BNC2: variants seen among roughly 807,000 people sequenced by gnomAD.
BNC2 encodes zinc finger protein basonuclin-2.
A neutral mutation model predicts 76.3 loss-of-function variants in BNC2; 20 were observed. The ratio of observed to expected loss-of-function variants is 0.26; its 90% CI spans 0.18 to 0.38. The LOEUF (loss-of-function observed/expected upper bound fraction) is 0.38. Among genes scored for constraint, BNC2 ranks in the 10% least tolerant of loss-of-function variants. The pLI is 1.00. For missense variants in BNC2, 1,382 were observed against 1,399.8 expected, an observed-to-expected ratio of 0.99 and a Z score of 0.20; for synonymous variants, 582 against 514.8, an observed-to-expected ratio of 1.13 and a Z score of -1.77.
intron 3 of BNC2, among the ~76,000 whole-genome samples, chr9:16,597,333 CACAA>C (rs1302756881): frequency 6.6e-6 from 1 of 152,124 alleles, no homozygotes; most frequent in Non-Finnish European, 1.5e-5. Context: ...TAAATTTAAA[CACAA>C]ACAGTCAAGC....
chr9:16,636,751 C>T (rs184043455), intron 3 of BNC2, among the ~76,000 whole-genome samples: 3 of 152,076 alleles, frequency 2.0e-5, no homozygotes, highest in Middle Eastern at 3.2e-3. Flanking sequence ...TCTTTTATTT[C>T]TTCCTTTTTT....
intron 1 of BNC2, among the ~76,000 whole-genome samples, chr9:16,861,300 G>C (rs973047645): frequency 2.6e-5 from 4 of 151,494 alleles, no homozygotes; most frequent in African/African-American, 4.9e-5. Context: ...GCTGCAGTGA[G>C]CCATAATCAT....
At position 16,413,918 on chromosome 9, in the gene BNC2, G is replaced by C. The variant is rs1820527915; in HGVS notation, c.*5071C>G. 6.6e-6 allele frequency: 1 copy of C among 152,158 alleles called. No individual in the cohort carries two copies. Among genetic ancestry groups the C allele is most frequent in the Non-Finnish European group, 1.5e-5 (1 of 68,034 alleles). 9.4% of individuals were successfully genotyped at this position (152,158 alleles called of 1,614,324 possible). ...GCAAGCATGAGTAATGATCAAGAAA[G>C]GAACGATCCATGCTGGTGCCATTCG... On this transcript the variant is annotated 3_prime_UTR_variant, in exon 7 of 7. Coordinates refer to ENST00000380672, the MANE Select transcript of BNC2 (RefSeq NM_017637.6).
At chr9:16,808,645 CA>C (rs933362557) in intron 1 of BNC2, among the ~76,000 whole-genome samples, 1 of 151,632 alleles carries the variant, frequency 6.6e-6, no homozygotes, top group Admixed American at 6.6e-5. Context: ...TATGTGACCA[CA>C]ACTGACCAAT....
intron 1 of BNC2, among the ~76,000 whole-genome samples, chr9:16,810,135 T>C (rs1302338776): frequency 1.3e-5 from 2 of 152,240 alleles, no homozygotes; most frequent in African/African-American, 2.4e-5. Flanking sequence ...AGGTAACTTA[T>C]GGTTAAAAAC....
chr9:16,480,851 C>T (rs1332825607), intron 5 of BNC2, among the ~76,000 whole-genome samples: 10 of 152,194 alleles, frequency 6.6e-5, no homozygotes, highest in East Asian at 3.9e-4. Context: ...CCCTGCTCCA[C>T]GGCGCCCAGT....
chr9:16,516,543 A>AG (rs2132009226), intron 5 of BNC2, among the ~76,000 whole-genome samples: 1 of 152,294 alleles, frequency 6.6e-6, no homozygotes, highest in African/African-American at 2.4e-5. Context: ...CCCCCAATAC[A>AG]GGGTGAGAAC....
chr9:16,590,546 G>A (rs1329695628), intron 3 of BNC2, among the ~76,000 whole-genome samples: 1 of 151,700 alleles, frequency 6.6e-6, no homozygotes, highest in East Asian at 2.0e-4. Context: ...AGGGAATAGT[G>A]GCTCATGCCT....
chr9:16,751,652 A>ATATATG (rs1825206536), intron 1 of BNC2, among the ~76,000 whole-genome samples: 2 of 86,958 alleles, frequency 2.3e-5, no homozygotes, highest in East Asian at 7.6e-3. Context: ...GTATGTGTGT[A>ATATATG]TATATATATG....
intron 1 of BNC2, among the ~76,000 whole-genome samples, chr9:16,856,266 C>T (rs1293332427): frequency 2.1e-5 from 2 of 96,104 alleles, no homozygotes; most frequent in Non-Finnish European, 4.7e-5. Flanking sequence ...CACACACACT[C>T]TCTCTCTCTC....
chr9:16,670,342 G>A (rs1474450678), intron 3 of BNC2, among the ~76,000 whole-genome samples: 5 of 151,996 alleles, frequency 3.3e-5, no homozygotes, highest in Non-Finnish European at 5.9e-5. Context: ...TAGAGACAAG[G>A]TCTCACTCTG....
At chr9:16,831,920 A>G (rs182899266) in intron 1 of BNC2, among the ~76,000 whole-genome samples, 43 of 152,302 alleles carry the variant, frequency 2.8e-4, no homozygotes, top group Admixed American at 5.9e-4. Context: ...TTGCACTCCT[A>G]TCAACCAAGA....
At chr9:16,539,656 AAGGGAGGG>A (rs1279441546) in intron 5 of BNC2, among the ~76,000 whole-genome samples, 1 of 35,904 alleles carries the variant, frequency 2.8e-5, no homozygotes, top group African/African-American at 1.3e-4. Context: ...AGAGAGAGAG[AAGGGAGGG>A]AGGGAGGGAG....
At chr9:16,646,970 G>C (rs965810718) in intron 3 of BNC2, among the ~76,000 whole-genome samples, 5 of 152,122 alleles carry the variant, frequency 3.3e-5, no homozygotes, top group African/African-American at 1.2e-4. Context: ...CAGTTTAGTA[G>C]ACCATGCCCA....
intron 1 of BNC2, among the ~76,000 whole-genome samples, chr9:16,806,997 CT>C (rs1817931368): frequency 8.2e-6 from 1 of 121,842 alleles, no homozygotes. Context: ...AAGAAATAGT[CT>C]ACTTTCTTCT....
chr9:16,502,111 C>T (rs148030677), intron 5 of BNC2, among the ~76,000 whole-genome samples: 1 of 152,118 alleles, frequency 6.6e-6, no homozygotes, highest in African/African-American at 2.4e-5. Flanking sequence ...GCCTGTAATC[C>T]TAGATCTTTG....
chr9:16,824,777 C>T (rs1182722238), intron 1 of BNC2, among the ~76,000 whole-genome samples: 2 of 152,166 alleles, frequency 1.3e-5, no homozygotes, highest in Non-Finnish European at 2.9e-5. Context: ...GGAAGCCAAA[C>T]TTGTCTATAA....
chr9:16,671,755 T>C (rs1175752810), intron 3 of BNC2, among the ~76,000 whole-genome samples: 1 of 152,198 alleles, frequency 6.6e-6, no homozygotes. Context: ...TTTCACCATA[T>C]GCCTGAACTC....
intron 1 of BNC2, among the ~76,000 whole-genome samples, chr9:16,752,106 T>G (rs1266351612): frequency 6.6e-6 from 1 of 152,168 alleles, no homozygotes; most frequent in African/African-American, 2.4e-5. Flanking sequence ...TGAAGACTGT[T>G]CTAATAATTT....
Sources: allele counts gnomAD v4.1 joint callset (sites outside exome capture counted in the v4.1 genomes callset), GRCh38; gene constraint gnomAD v4.1.1; transcripts MANE v1.5; gene names NCBI Gene and HGNC (gene_info 2026-07-23, HGNC 2026-07-21).